The following EHBP1 variants were observed in gnomAD, a reference collection of about 807,000 sequenced individuals.
The protein encoded by EHBP1 is EH domain-binding protein 1.
EHBP1 carries 55 observed loss-of-function variants against 144.0 expected under a neutral mutation model. The observed-to-expected ratio is 0.38, with a 90% CI of 0.31 to 0.48. EHBP1 has a LOEUF of 0.48. EHBP1 is among the 20% of genes least tolerant of loss of function. The pLI, the probability that EHBP1 is intolerant of heterozygous loss-of-function variation, is 0.98. For missense variants in EHBP1, 1,200 were observed against 1,364.2 expected, an observed-to-expected ratio of 0.88 and a Z score of 1.90; for synonymous variants, 469 against 472.7, an observed-to-expected ratio of 0.99 and a Z score of 0.10.
At chr2:62,706,837 T>A in intron 1 of EHBP1, 60 bp from the exon 2 acceptor site, 1 of 209,806 alleles carries the variant, frequency 4.8e-6, no homozygotes, top group Non-Finnish European at 9.8e-6. Context: ...GGGTGGTTAG[T>A]CATTTCTCAT....
chr2:62,753,515 G>A (rs985574967), intron 3 of EHBP1, among the ~76,000 whole-genome samples: 19 of 152,046 alleles, frequency 1.2e-4, no homozygotes, highest in Non-Finnish European at 2.2e-4. Flanking sequence ...TCTTTGTGGC[G>A]TTCTCTGTAT....
chr2:62,753,782 A>G (rs1330027733), intron 3 of EHBP1, among the ~76,000 whole-genome samples: 2 of 152,200 alleles, frequency 1.3e-5, no homozygotes, highest in East Asian at 1.9e-4. Flanking sequence ...CAGTTGATTG[A>G]ATCGGCTACT....
intron 5 of EHBP1, among the ~76,000 whole-genome samples, chr2:62,782,498 A>AT (rs2042506859): frequency 6.6e-6 from 1 of 152,182 alleles, no homozygotes; most frequent in Non-Finnish European, 1.5e-5. Flanking sequence ...GAGACTGGGT[A>AT]ATTTATAATA....
chr2:62,818,419 G>A (rs546488858), intron 5 of EHBP1, among the ~76,000 whole-genome samples: 46 of 152,180 alleles, frequency 3.0e-4, no homozygotes, highest in Admixed American at 2.4e-3. Flanking sequence ...ATTCAGTACA[G>A]TAACATGCTG....
chr2:62,949,857 A>G (rs1046952119), intron 13 of EHBP1, among the ~76,000 whole-genome samples: 1 of 152,166 alleles, frequency 6.6e-6, no homozygotes, highest in Non-Finnish European at 1.5e-5. Context: ...CATCAGTTAT[A>G]AGATATACTA....
intron 19 of EHBP1, among the ~76,000 whole-genome samples, chr2:63,004,946 T>C (rs1223763583): frequency 6.6e-6 from 1 of 152,232 alleles, no homozygotes; most frequent in Admixed American, 6.5e-5. Flanking sequence ...TTTACAACAA[T>C]TTTATTTTAT....
At chr2:62,693,553 C>T (rs921079523) in intron 1 of EHBP1, among the ~76,000 whole-genome samples, 1 of 152,110 alleles carries the variant, frequency 6.6e-6, no homozygotes, top group African/African-American at 2.4e-5. Context: ...CAAGTGCATA[C>T]AATGTGTAGA....
chr2:62,689,185 T>A (rs1043651082), intron 1 of EHBP1, among the ~76,000 whole-genome samples: 1 of 152,184 alleles, frequency 6.6e-6, no homozygotes, highest in African/African-American at 2.4e-5. Context: ...GTTGGTCTGA[T>A]TGAAACACAG....
intron 19 of EHBP1, among the ~76,000 whole-genome samples, chr2:63,009,037 A>G (rs141590616): frequency 1.3e-4 from 20 of 151,792 alleles, no homozygotes; most frequent in African/African-American, 4.6e-4. Flanking sequence ...CTTTAATGGC[A>G]GCAGTGTTGC....
At chr2:62,743,987 C>G (rs1288163238) in intron 2 of EHBP1, among the ~76,000 whole-genome samples, 1 of 151,994 alleles carries the variant, frequency 6.6e-6, no homozygotes, top group African/African-American at 2.4e-5. Context: ...TAAGATGTTC[C>G]TTTTTAATGG....
At chr2:62,933,868 G>T (rs528084066) in intron 10 of EHBP1, among the ~76,000 whole-genome samples, 1 of 152,056 alleles carries the variant, frequency 6.6e-6, no homozygotes, top group Non-Finnish European at 1.5e-5. Context: ...ATGCATGTTT[G>T]TACCTGTTTT....
Position 62,674,109 on chromosome 2 carries a change from C to G in EHBP1, c.-296+26C>G, listed in dbSNP as rs1324411038. ...GTATGAACTGGTAGGCCACAAGCAT[C>G]CTCCTAATGTTCTAGAAGCATCCCC... On this transcript the variant is annotated intron_variant, in intron 1 of 22. Coordinates refer to the EHBP1 transcript ENST00000405015. 1.3e-5 allele frequency: 6 copies of G among 471,024 alleles called. No individual in the cohort carries two copies. In the East Asian group the frequency reaches 2.8e-4, roughly 22 times the overall value. The allele number at this position is 471,024 out of a possible 1,614,324, so 29.2% of individuals were successfully genotyped here.
intron 2 of EHBP1, among the ~76,000 whole-genome samples, chr2:62,727,181 T>C (rs2036897236): frequency 6.6e-6 from 1 of 152,132 alleles, no homozygotes; most frequent in African/African-American, 2.4e-5. Context: ...ATTTTTAAAA[T>C]TATGTCTTCC....
chr2:62,828,099 A>G (rs2046476187), intron 6 of EHBP1, among the ~76,000 whole-genome samples: 1 of 152,206 alleles, frequency 6.6e-6, no homozygotes, highest in South Asian at 2.1e-4. Flanking sequence ...TTTATTTTAA[A>G]AAGGGGAAAT....
At chr2:62,673,896 C>A (rs945998404) in exon 1 of EHBP1, 1 of 393,344 alleles carries the variant, frequency 2.5e-6, no homozygotes, top group Non-Finnish European at 5.1e-6. Context: ...ACTCTCCCTC[C>A]CCAAAGAGAG....
chr2:62,891,323 C>T (rs1019052211), intron 10 of EHBP1, among the ~76,000 whole-genome samples: 1 of 152,058 alleles, frequency 6.6e-6, no homozygotes, highest in Admixed American at 6.5e-5. Context: ...ACTTGAACTC[C>T]TGTAATCATT....
intron 3 of EHBP1, among the ~76,000 whole-genome samples, chr2:62,754,882 C>G (rs773564482): frequency 1.3e-5 from 2 of 152,188 alleles, no homozygotes; most frequent in Non-Finnish European, 2.9e-5. Flanking sequence ...CAGGTGCTGT[C>G]TGTCACAGCT....
rs573516550 is a variant in EHBP1, at chr2:62,740,389, T to C, written c.105-7006T>C. Among the ~76,000 whole-genome samples the C allele has an allele frequency of 1.6e-4, 25 of 152,310 alleles. 1 individual carries two copies. The highest frequency in any genetic ancestry group is 5.5e-4 in the African/African-American group (23 of 41,578). Reference sequence around the variant, plus strand: ...ATTACTGCAGCTTGCAAAATAACTCTTGTGAGTAAGCATAAAGGAGTATAA... The same window carrying C: ...ATTACTGCAGCTTGCAAAATAACTCCTGTGAGTAAGCATAAAGGAGTATAA... On this transcript the variant is annotated intron_variant, in intron 2 of 22. Coordinates refer to ENST00000431489, the MANE Select transcript of EHBP1 (RefSeq NM_001142616.3).
chr2:62,998,195 A>G (rs2059716696), intron 19 of EHBP1, among the ~76,000 whole-genome samples: 1 of 152,130 alleles, frequency 6.6e-6, no homozygotes, highest in South Asian at 2.1e-4. Flanking sequence ...CCTTCTTGCT[A>G]CACCAGAATA....
Sources: allele counts gnomAD v4.1 joint callset (sites outside exome capture counted in the v4.1 genomes callset), GRCh38; gene constraint gnomAD v4.1.1; transcripts MANE v1.5; gene names NCBI Gene and HGNC (gene_info 2026-07-23, HGNC 2026-07-21).